Variants in CTBP1 observed in about 807,000 individuals in gnomAD.
CTBP1 encodes the protein C-terminal binding protein 1.
In CTBP1, 11 loss-of-function variants were observed where a neutral mutation model predicts 42.1. The observed-to-expected ratio is 0.26, with a 90% confidence interval of 0.16 to 0.43. The LOEUF (loss-of-function observed/expected upper bound fraction) is 0.43, where lower values mean the gene tolerates loss of function less well. Among genes scored for constraint, CTBP1 ranks in the 20% least tolerant of loss-of-function variants. The pLI is 1.00. For synonymous variants in CTBP1, 324 were observed against 277.1 expected, an observed-to-expected ratio of 1.17 and a Z score of -1.68; for missense variants, 399 against 624.3, an observed-to-expected ratio of 0.64 and a Z score of 3.85.
chr4:1,223,268 G>A (rs2004531), intron 5 of CTBP1, among the ~76,000 whole-genome samples: 118,217 of 151,830 alleles, frequency 0.78, 47,110 homozygotes, highest in South Asian at 0.91. Context: ...GGGCAGAGGT[G>A]TGAGGAACAG....
chr4:1,212,376 G>A lies in CTBP1; in HGVS notation c.1154C>T (p.Ala385Val). The A allele has an allele frequency of 6.7e-7, 1 of 1,501,938 alleles. No homozygotes were observed. Among genetic ancestry groups the A allele is most frequent in the Non-Finnish European group, 8.9e-7 (1 of 1,129,520 alleles). The allele number at this position is 1,501,938 out of a possible 1,614,324, so 93.0% of individuals were successfully genotyped here. A position where few individuals can be genotyped will look rare whatever the true frequency, so the allele number is the denominator to read the frequency against. ...GGCGCTGGGGACGATACCTTCCACA[G>A]CAGCTGGGATGCCAGTGGGGGCCAC... ...VGVAPTGIPA[A>V]VEGIVPSAMS... Residue 385 changes from alanine to valine, a missense_variant, in exon 10 of 10, where the codon GCT becomes GTT. Ala to Val is a moderately conservative substitution (Grantham distance 64). This residue lies in a region of CTBP1 where 309 missense variants were observed against 497.5 expected (regional missense o/e 0.62). Coordinates refer to ENST00000382952, the MANE Select transcript of CTBP1 (RefSeq NM_001012614.2).
intron 3 of CTBP1, among the ~76,000 whole-genome samples, chr4:1,228,639 G>A (rs764599712): frequency 1.3e-5 from 2 of 152,136 alleles, no homozygotes; most frequent in Non-Finnish European, 2.9e-5. Flanking sequence ...TGGCTGAGAT[G>A]TCTCCTTTTG....
In CTBP1 at chr4:1,241,429, C is replaced by T. The variant is rs778292020; in HGVS notation, c.-98G>A. The T allele has an allele frequency of 1.3e-6, 2 of 1,500,182 alleles. No individual in the cohort carries two copies. The highest frequency in any genetic ancestry group is 1.9e-6 in the Non-Finnish European group (2 of 1,076,620). The allele number at this position is 1,500,182 out of a possible 1,614,324, so 92.9% of individuals were successfully genotyped here. ...GCAGAACCGCGTCCTGTCTCGGAGCCTCATCCCACGTCCTTAATTGTCTCG... is the reference window on the plus strand; with the variant it reads ...GCAGAACCGCGTCCTGTCTCGGAGCTTCATCCCACGTCCTTAATTGTCTCG... On this transcript the variant is annotated 5_prime_UTR_variant, in exon 2 of 10. Transcript: ENST00000382952.
At chr4:1,231,981 G>A (rs1560262795) in intron 3 of CTBP1, among the ~76,000 whole-genome samples, 1 of 152,226 alleles carries the variant, frequency 6.6e-6, no homozygotes, top group African/African-American at 2.4e-5. Context: ...TGTACCAAAC[G>A]CCACCGCCCT....
chr4:1,221,289 G>A (rs1486463656), intron 5 of CTBP1, among the ~76,000 whole-genome samples: 1 of 152,230 alleles, frequency 6.6e-6, no homozygotes, highest in African/African-American at 2.4e-5. Context: ...TACACAGAGT[G>A]CTGGCAAGGA....
chr4:1,229,403 A>G (rs1730730293), intron 3 of CTBP1, among the ~76,000 whole-genome samples: 1 of 152,244 alleles, frequency 6.6e-6, no homozygotes, highest in Non-Finnish European at 1.5e-5. Context: ...ACACCAGGAC[A>G]TGCAGGCCTC....
intron 1 of CTBP1, among the ~76,000 whole-genome samples, chr4:1,245,980 G>C (rs1308180728): frequency 6.6e-6 from 1 of 152,200 alleles, no homozygotes; most frequent in Admixed American, 6.5e-5. Flanking sequence ...GACAACTCAA[G>C]GTTAACGTTT....
Position 1,216,017 on chromosome 4 carries a change from G to A in CTBP1, c.703C>T (p.Leu235Phe), listed in dbSNP as rs1376466934. 1 of 1,611,380 alleles carries A rather than the reference G, an allele frequency of 6.2e-7. No individual in the cohort carries two copies. The highest frequency in any genetic ancestry group is 8.5e-7 in the Non-Finnish European group (1 of 1,179,744). ...HCGLNEHNHH[L>F]INDFTVKQMR... ...TGCTTGACGGTGAAGTCGTTGATGA[G>A]GTGGTGGTTGTGCTCGTTGAGGCCG... The change falls in exon 6 of 10, where the codon CTC becomes TTC. Residue 235 changes from leucine to phenylalanine, a missense_variant. Transcript: ENST00000382952.
intron 5 of CTBP1, among the ~76,000 whole-genome samples, chr4:1,224,280 G>C (rs1055770232): frequency 1.3e-5 from 2 of 152,204 alleles, no homozygotes; most frequent in Non-Finnish European, 2.9e-5. Flanking sequence ...TGTGTGTGCT[G>C]TGACATCTGT....
chr4:1,246,064 C>T (rs542423684), intron 1 of CTBP1, among the ~76,000 whole-genome samples: 1 of 152,180 alleles, frequency 6.6e-6, no homozygotes, highest in Non-Finnish European at 1.5e-5. Context: ...TGGGAGATAC[C>T]ACATGGAATG....
In CTBP1 at chr4:1,238,421, G is replaced by T; in HGVS notation, c.8-84C>A. 1 of 1,454,964 alleles carries T rather than the reference G, an allele frequency of 6.9e-7. No individual in the cohort carries two copies. Among genetic ancestry groups the T allele is most frequent in the Non-Finnish European group, 9.1e-7 (1 of 1,096,808 alleles). The allele number at this position is 1,454,964 out of a possible 1,614,324, so 90.1% of individuals were successfully genotyped here. A position where few individuals can be genotyped will look rare whatever the true frequency, so the allele number is the denominator to read the frequency against. On this transcript the variant is annotated intron_variant, in intron 2 of 9. Transcript: ENST00000382952. This position sits in a 1 kb window ranked among gnomAD's most constrained non-coding sequence, Gnocchi z 5.9. ...ACTCCACGCCACCCACTGTGCACGG[G>T]CCAACGAGGGCCGACCGCCGGGGGT...
In CTBP1 at chr4:1,218,775, C is replaced by T. The variant is rs184244764; in HGVS notation, c.515-2570G>A. 5.3e-5 allele frequency among the ~76,000 whole-genome samples: 8 copies of T among 152,156 alleles called. No individual in the cohort carries two copies. The East Asian group carries it at 1.5e-3, about 29-fold the overall frequency. ...GCGTATCCTAATCTCTAAAGTAAAA[C>T]TAAACACGATCACTAAGCAGAGTAT... On this transcript the variant is annotated intron_variant, in intron 5 of 9. Coordinates refer to ENST00000382952, the MANE Select transcript of CTBP1 (RefSeq NM_001012614.2).
rs1217606657 is a variant in CTBP1 at position 1,216,492 on chromosome 4, C to T, written c.515-287G>A. On this transcript the variant is annotated intron_variant, in intron 5 of 9. Coordinates refer to ENST00000382952, the MANE Select transcript of CTBP1 (RefSeq NM_001012614.2). ...ACACCACTCCCCTGCAGCCTGTCCACAGGACGTGACATGAACCACTCAGTG... is the reference window on the plus strand; with the variant it reads ...ACACCACTCCCCTGCAGCCTGTCCATAGGACGTGACATGAACCACTCAGTG... 7 of 563,818 alleles carry T rather than the reference C, an allele frequency of 1.2e-5. No individual in the cohort carries two copies. The Admixed American group carries it at 1.3e-4, about 10-fold the overall frequency. 34.9% of individuals were successfully genotyped at this position (563,818 alleles called of 1,614,324 possible). A position where few individuals can be genotyped will look rare whatever the true frequency, so the allele number is the denominator to read the frequency against.
chr4:1,214,428 C>T lies in CTBP1; in HGVS notation c.775G>A (p.Val259Met). The change falls in exon 7 of 10, where the codon GTG becomes ATG. Residue 259 changes from valine (V) to methionine (M), a missense_variant. By Grantham distance (21) the Val-to-Met change is conservative (BLOSUM62 1). This residue lies in a region of CTBP1 where 309 missense variants were observed against 497.5 expected (regional missense o/e 0.62). Transcript: ENST00000382952. ...FLVNTARGGL[V>M]DEKALAQALK... The stretch of plus-strand genomic sequence containing the variant: ...GCCTGGGCCAGCGCCTTCTCATCCA[C>T]CAGGCCACCCCGGGCTGTGTTCACC... 1.3e-6 allele frequency: 2 copies of T among 1,585,188 alleles called. No individual in the cohort carries two copies. Among genetic ancestry groups the T allele is most frequent in the Non-Finnish European group, 1.7e-6 (2 of 1,168,266 alleles).
chr4:1,234,602 C>T (rs998562446), intron 3 of CTBP1: 9 of 152,264 alleles, frequency 5.9e-5, no homozygotes, highest in African/African-American at 1.9e-4. Flanking sequence ...TTTGGGATTA[C>T]TGCAATTTTA....
intron 5 of CTBP1, among the ~76,000 whole-genome samples, chr4:1,218,952 C>T (rs1729444589): frequency 6.6e-6 from 1 of 152,146 alleles, no homozygotes; most frequent in African/African-American, 2.4e-5. Context: ...AATAAATGAA[C>T]TGAACACTCA....
intron 1 of CTBP1, among the ~76,000 whole-genome samples, chr4:1,245,815 G>A (rs1383945180): frequency 6.6e-6 from 1 of 151,974 alleles, no homozygotes; most frequent in Non-Finnish European, 1.5e-5. Context: ...GCCAGGGGAG[G>A]GTGCAGAAGG....
chr4:1,243,323 C>T (rs754671691), intron 1 of CTBP1: 386 of 985,284 alleles, frequency 3.9e-4, no homozygotes, highest in Non-Finnish European at 4.5e-4. Flanking sequence ...GTGAGGAGGC[C>T]GTGAGCTCCC....
chr4:1,219,287 G>A (rs1232671564), intron 5 of CTBP1, among the ~76,000 whole-genome samples: 1 of 152,216 alleles, frequency 6.6e-6, no homozygotes, highest in Non-Finnish European at 1.5e-5. Context: ...CAGTGCTCAA[G>A]GCTGCAGTGA....
Sources: gnomAD v4.1 joint callset for allele counts (sites outside exome capture counted in the v4.1 genomes callset) on GRCh38, gnomAD v4.1.1 for gene constraint, gnomAD v4.1.1 regional missense constraint, Gnocchi (gnomAD v3.1) non-coding constraint, MANE v1.5 for transcripts, NCBI Gene and HGNC (gene_info 2026-07-23, HGNC 2026-07-21) for gene names.